MTPAP: variants seen among roughly 807,000 people sequenced by gnomAD.
MTPAP encodes mitochondrial poly(A) polymerase, also known as poly(A) RNA polymerase, mitochondrial.
A neutral mutation model predicts 48.7 loss-of-function variants in MTPAP; 23 were observed. The observed-to-expected ratio is 0.47, with a 90% CI of 0.34 to 0.67. The LOEUF (loss-of-function observed/expected upper bound fraction) is 0.67, where lower values mean the gene tolerates loss of function less well. Among genes scored for constraint, MTPAP ranks in the 30% least tolerant of loss-of-function variants. The probability of loss-of-function intolerance (pLI) is 0.01; values close to 1 mark genes in which losing one functional copy is unlikely to be tolerated. For synonymous variants in MTPAP, 257 were observed against 254.1 expected, an observed-to-expected ratio of 1.01 and a Z score of -0.11; for missense variants, 614 against 694.3, an observed-to-expected ratio of 0.88 and a Z score of 1.30.
Position 30,313,821 on chromosome 10 carries a change from C to T in MTPAP, c.1537G>A (p.Asp513Asn), listed in dbSNP as rs1342059943. The change falls in exon 9 of 9, where the codon GAT (aspartate) becomes AAT (asparagine). Residue 513 changes from aspartate to asparagine, a missense_variant. By Grantham distance (23) the Asp-to-Asn change is conservative (BLOSUM62 1). This residue lies in a region of MTPAP where 109 missense variants were observed against 100.5 expected (regional missense o/e 1.08). Coordinates refer to ENST00000263063, the MANE Select transcript of MTPAP (RefSeq NM_018109.4). ...CTTGATATGGAAGGTCGATCTGTATCTTCCTGTTGTAAAATCCAGGCACTT... is the reference window on the plus strand; with the variant it reads ...CTTGATATGGAAGGTCGATCTGTATTTTCCTGTTGTAAAATCCAGGCACTT... The part of the protein sequence containing the change: ...RESAWILQQE[D>N]TDRPSISSNR... 6.2e-7 allele frequency: 1 copy of T among 1,614,070 alleles called. No individual in the cohort carries two copies. The highest frequency in any genetic ancestry group is 8.5e-7 in the Non-Finnish European group (1 of 1,180,030).
Position 30,322,557 on chromosome 10 carries a change from T to A in MTPAP, c.1053A>T (p.Arg351Ser), listed in dbSNP as rs1268290174. 6.2e-7 allele frequency: 1 copy of A among 1,613,992 alleles called. No individual in the cohort carries two copies. The highest frequency in any genetic ancestry group is 1.3e-5 in the African/African-American group (1 of 74,920). The change falls in exon 6 of 9, where the codon AGA (arginine) becomes AGT (serine). Residue 351 changes from arginine (R) to serine (S), a missense_variant. Transcript: ENST00000263063. ...AGCACCGTACACTGAACACCAAGGC[T>A]CTCACTCTTGAGTCTAGGGCACCAT... ...YIYGALDSRV[R>S]ALVFSVRCWA...
intron 3 of MTPAP, 179 bp downstream of exon 3, chr10:30,340,047 C>A: frequency 3.3e-6 from 2 of 610,930 alleles, no homozygotes; most frequent in South Asian, 4.0e-5. Flanking sequence ...TAGAAAAAAA[C>A]TTTCCTTCAT....
intron 4 of MTPAP, among the ~76,000 whole-genome samples, chr10:30,330,428 C>T (rs192056527): frequency 1.3e-5 from 2 of 152,122 alleles, no homozygotes; most frequent in East Asian, 3.8e-4. Flanking sequence ...TAGAGTACAT[C>T]AGGGAGGAGT....
intron 4 of MTPAP, among the ~76,000 whole-genome samples, chr10:30,330,638 G>A (rs1322526026): frequency 1.3e-5 from 2 of 152,226 alleles, no homozygotes; most frequent in African/African-American, 4.8e-5. Flanking sequence ...GAGCAGGAGT[G>A]TGGTAGTTAT....
chr10:30,338,094 C>G (rs1834750106), intron 3 of MTPAP, among the ~76,000 whole-genome samples: 1 of 150,014 alleles, frequency 6.7e-6, no homozygotes, highest in Admixed American at 6.6e-5. Flanking sequence ...CCTGACTCTA[C>G]CAAAAAAAAA....
chr10:30,337,780 T>C (rs922411402), intron 3 of MTPAP, among the ~76,000 whole-genome samples: 3 of 152,124 alleles, frequency 2.0e-5, no homozygotes, highest in African/African-American at 7.2e-5. Flanking sequence ...GAAAGACCAA[T>C]GTTAAAGGGC....
chr10:30,335,982 G>A (rs574842633), intron 4 of MTPAP, among the ~76,000 whole-genome samples: 108 of 151,994 alleles, frequency 7.1e-4, no homozygotes, highest in Non-Finnish European at 1.3e-3. Flanking sequence ...TGCACTCCAG[G>A]CTGGGCGACA....
rs186191258 is a variant in MTPAP, at chr10:30,309,890, C to T, written c.*3719G>A. 6.6e-6 allele frequency: 1 copy of T among 152,320 alleles called. No individual in the cohort carries two copies. The highest frequency in any genetic ancestry group is 1.5e-5 in the Non-Finnish European group (1 of 68,026). 9.4% of individuals were successfully genotyped at this position (152,320 alleles called of 1,614,324 possible). The stretch of plus-strand genomic sequence containing the variant: ...TACACACAGTTTTCCTATAACGTTT[C>T]AGGCTAATCGTTATTTCCTAGAAAG... On this transcript the variant is annotated 3_prime_UTR_variant, in exon 9 of 9. Transcript: ENST00000263063.
chr10:30,333,681 G>A (rs1259442685), intron 4 of MTPAP, among the ~76,000 whole-genome samples: 1 of 152,082 alleles, frequency 6.6e-6, no homozygotes, highest in Non-Finnish European at 1.5e-5. Context: ...TGGGGAGGCC[G>A]AGGTGGGTGG....
chr10:30,331,580 TC>T (rs1219865084), intron 4 of MTPAP, among the ~76,000 whole-genome samples: 1 of 152,242 alleles, frequency 6.6e-6, no homozygotes, highest in Non-Finnish European at 1.5e-5. Context: ...TAAATAACTT[TC>T]CTTCTTTTTT....
intron 6 of MTPAP, among the ~76,000 whole-genome samples, chr10:30,317,342 G>A (rs1486505295): frequency 2.0e-5 from 3 of 151,960 alleles, no homozygotes; most frequent in Admixed American, 6.6e-5. Context: ...CTTCATACAC[G>A]ACACAAACTG....
At chr10:30,336,764 A>C in intron 4 of MTPAP, 39 bp downstream of exon 4, 1 of 1,468,536 alleles carries the variant, frequency 6.8e-7, no homozygotes. Flanking sequence ...TACTTTCTTA[A>C]CTTTACATGA....
At chr10:30,330,979 T>C (rs888098152) in intron 4 of MTPAP, among the ~76,000 whole-genome samples, 2 of 152,170 alleles carry the variant, frequency 1.3e-5, no homozygotes, top group Non-Finnish European at 2.9e-5. Flanking sequence ...GTTAAGCCAC[T>C]GAGATCTTTG....
rs2132841922 is a variant in MTPAP at position 30,314,111 on chromosome 10, TTGAG to T, written c.1387-144_1387-141del. 5 of 1,058,482 alleles carry T rather than the reference TTGAG, an allele frequency of 4.7e-6. No homozygotes were observed. In the African/African-American group the frequency reaches 6.3e-5, roughly 13 times the overall value. 65.6% of individuals were successfully genotyped at this position (1,058,482 alleles called of 1,614,324 possible). A position where few individuals can be genotyped will look rare whatever the true frequency, so the allele number is the denominator to read the frequency against. On this transcript the variant is annotated intron_variant, in intron 8 of 8. Transcript: ENST00000263063. ...AGCAAAGAATTTCTTTCTCAGGGGA[TTGAG>T]TATGTATGCATGGTGGGTGTGTGTA...
At position 30,310,112 on chromosome 10, in the gene MTPAP, G is replaced by C. The variant is rs555690133; in HGVS notation, c.*3497C>G. 2 of 152,034 alleles carry C rather than the reference G, an allele frequency of 1.3e-5. No individual in the cohort carries two copies. The highest frequency in any genetic ancestry group is 1.3e-4 in the Admixed American group (2 of 15,262). The allele number at this position is 152,034 out of a possible 1,614,324, so 9.4% of individuals were successfully genotyped here. On this transcript the variant is annotated 3_prime_UTR_variant, in exon 9 of 9. Transcript: ENST00000263063. ...TATAGAAGAAAAAAACTTGAAAAAA[G>C]TTTTACTTAACATTGCAATTATTTT...
intron 4 of MTPAP, among the ~76,000 whole-genome samples, chr10:30,330,283 C>T (rs1834650257): frequency 6.6e-6 from 1 of 152,092 alleles, no homozygotes. Flanking sequence ...CCTTCATAAC[C>T]TAGTTCCCTG....
At chr10:30,322,893 C>G (rs1308309332) in intron 5 of MTPAP, among the ~76,000 whole-genome samples, 5 of 151,452 alleles carry the variant, frequency 3.3e-5, no homozygotes, top group African/African-American at 4.8e-5. Flanking sequence ...TCCTAGCACT[C>G]TGGGAGGCCG....
chr10:30,334,809 ACTG>A (rs1834709468), intron 4 of MTPAP, among the ~76,000 whole-genome samples: 1 of 152,244 alleles, frequency 6.6e-6, no homozygotes, highest in Non-Finnish European at 1.5e-5. Context: ...GAAAATTCAA[ACTG>A]TGAGTGAAGG....
rs921163748 is a variant in MTPAP at position 30,326,625 on chromosome 10, T to G, written c.791A>C (p.Asn264Thr). 1.9e-6 allele frequency: 3 copies of G among 1,613,010 alleles called. No individual in the cohort carries two copies. Among genetic ancestry groups the G allele is most frequent in the Non-Finnish European group, 2.5e-6 (3 of 1,179,092 alleles). The change falls in exon 5 of 9, where the codon AAT (asparagine) becomes ACT (threonine). Residue 264 changes from asparagine (N) to threonine (T), a missense_variant. Physicochemically the swap from Asn to Thr is moderately conservative, Grantham distance 65. Around this residue, in one of 5 missense-constraint regions of MTPAP, gnomAD observed 261 missense variants for 355.4 expected, o/e 0.73. Coordinates refer to ENST00000263063, the MANE Select transcript of MTPAP (RefSeq NM_018109.4). ...TTTCACTTGAAATTCCATCAGAAAATTTCCTGAGATCTGAAAAATAAACAC... is the reference window on the plus strand; with the variant it reads ...TTTCACTTGAAATTCCATCAGAAAAGTTCCTGAGATCTGAAAAATAAACAC... The part of the protein sequence containing the change: ...RNLSAHKISG[N>T]FLMEFQVKNV...
Sources: allele counts gnomAD v4.1 joint callset (sites outside exome capture counted in the v4.1 genomes callset), GRCh38; gene constraint gnomAD v4.1.1; regional missense constraint gnomAD v4.1.1; transcripts MANE v1.5; gene names NCBI Gene and HGNC (gene_info 2026-07-23, HGNC 2026-07-21).